Variants in CTNND2 observed in about 807,000 individuals in gnomAD.
CTNND2 encodes the protein catenin delta-2.
In CTNND2, 22 loss-of-function variants were observed where a neutral mutation model predicts 144.4. That is an observed-to-expected ratio of 0.15 (90% CI 0.11 to 0.22). The LOEUF is 0.22. Among genes scored for constraint, CTNND2 ranks in the 10% least tolerant of loss-of-function variants. The pLI is 1.00. For missense variants in CTNND2, 1,353 were observed against 1,618.8 expected (o/e 0.84, Z 2.82); for synonymous variants, 751 against 695.6 (o/e 1.08, Z -1.25).
At chr5:11,708,896 T>C (rs1561716261) in intron 2 of CTNND2, among the ~76,000 whole-genome samples, 1 of 152,300 alleles carries the variant, frequency 6.6e-6, no homozygotes, top group African/African-American at 2.4e-5. Context: ...TTTGTGAATA[T>C]CATATAAGTA....
chr5:11,775,400 T>C (rs1790197101), intron 1 of CTNND2, among the ~76,000 whole-genome samples: 1 of 152,128 alleles, frequency 6.6e-6, no homozygotes, highest in Non-Finnish European at 1.5e-5. Flanking sequence ...GAGATAACAC[T>C]AAGGACACTC....
intron 1 of CTNND2, among the ~76,000 whole-genome samples, chr5:11,768,584 C>T (rs1167044045): frequency 6.6e-6 from 1 of 152,210 alleles, no homozygotes; most frequent in African/African-American, 2.4e-5. Flanking sequence ...TGCCACCACA[C>T]CTGGGTGTTA....
intron 3 of CTNND2, among the ~76,000 whole-genome samples, chr5:11,435,776 C>T (rs1248838555): frequency 6.6e-6 from 1 of 152,188 alleles, no homozygotes; most frequent in African/African-American, 2.4e-5. Context: ...CTCAAGTCTT[C>T]CAATTCAAGG....
chr5:11,314,308 G>A (rs1751288502), intron 9 of CTNND2, among the ~76,000 whole-genome samples: 1 of 152,068 alleles, frequency 6.6e-6, no homozygotes, highest in Non-Finnish European at 1.5e-5. Context: ...CTGGATTCCT[G>A]TCTGCTCCCA....
intron 2 of CTNND2, among the ~76,000 whole-genome samples, chr5:11,670,852 T>C (rs895852561): frequency 1.3e-5 from 2 of 152,218 alleles, no homozygotes; most frequent in African/African-American, 4.8e-5. Context: ...CCTTAGTTGA[T>C]GAAGTTTCTT....
intron 16 of CTNND2, among the ~76,000 whole-genome samples, chr5:11,069,059 G>C (rs552530414): frequency 2.0e-5 from 3 of 152,190 alleles, no homozygotes; most frequent in Non-Finnish European, 4.4e-5. Context: ...CAGTAACTAC[G>C]CAACGTGTAT....
At chr5:11,817,568 G>T (rs1048387893) in intron 1 of CTNND2, among the ~76,000 whole-genome samples, 46 of 152,096 alleles carry the variant, frequency 3.0e-4, no homozygotes, top group Admixed American at 1.3e-3. Flanking sequence ...AGGTAGTGAA[G>T]GGGGGAAGCG....
intron 3 of CTNND2, among the ~76,000 whole-genome samples, chr5:11,536,796 C>A (rs572081468): frequency 6.6e-6 from 1 of 151,872 alleles, no homozygotes; most frequent in Admixed American, 6.6e-5. Flanking sequence ...GGGTTATGGG[C>A]GCACCAAAAT....
At chr5:11,727,370 C>G (rs1297067722) in intron 2 of CTNND2, among the ~76,000 whole-genome samples, 1 of 152,176 alleles carries the variant, frequency 6.6e-6, no homozygotes, top group Middle Eastern at 3.2e-3. Flanking sequence ...CTTGCTCCCC[C>G]TTCCTTGTTA....
At chr5:11,602,870 T>C (rs1779875551) in intron 2 of CTNND2, among the ~76,000 whole-genome samples, 1 of 150,132 alleles carries the variant, frequency 6.7e-6, no homozygotes, top group African/African-American at 2.4e-5. Flanking sequence ...CAAGCTAATA[T>C]TGAAGTATGA....
intron 3 of CTNND2, among the ~76,000 whole-genome samples, chr5:11,480,994 T>C (rs996752085): frequency 2.0e-5 from 3 of 152,086 alleles, no homozygotes; most frequent in Admixed American, 2.0e-4. Flanking sequence ...TGACGATATT[T>C]TGAATTAACT....
Position 11,423,943 on chromosome 5 carries a change from A to G in CTNND2, c.288-11874T>C, listed in dbSNP as rs541852664. On this transcript the variant is annotated intron_variant, in intron 3 of 21. Transcript: ENST00000304623. ...GAAGATTTGTAAAAAATAAGTTTCA[A>G]TCTTAGCGCCTTTATACAGCAGAAA... is the stretch of plus-strand genomic sequence containing the variant. 3.9e-5 allele frequency among the ~76,000 whole-genome samples: 6 copies of G among 152,260 alleles called. No homozygotes were observed. In the East Asian group the frequency reaches 7.7e-4, roughly 20 times the overall value.
chr5:11,139,043 C>T (rs1756439050), intron 12 of CTNND2, among the ~76,000 whole-genome samples: 1 of 152,016 alleles, frequency 6.6e-6, no homozygotes, highest in Non-Finnish European at 1.5e-5. Flanking sequence ...TCAATGCAAC[C>T]TCTGCCTCCG....
At chr5:11,232,364 G>A (rs573439761) in intron 10 of CTNND2, among the ~76,000 whole-genome samples, 1 of 152,358 alleles carries the variant, frequency 6.6e-6, no homozygotes, top group Admixed American at 6.5e-5. Context: ...AAAGCAGCTG[G>A]GAGTGGGGCT....
chr5:11,831,202 A>G (rs1183432584), intron 1 of CTNND2, among the ~76,000 whole-genome samples: 2 of 151,010 alleles, frequency 1.3e-5, no homozygotes, highest in South Asian at 2.1e-4. Flanking sequence ...TTGATATTAT[A>G]TTTTTGTGCC....
intron 1 of CTNND2, among the ~76,000 whole-genome samples, chr5:11,865,791 A>T (rs1396555191): frequency 6.6e-6 from 1 of 151,108 alleles, no homozygotes; most frequent in East Asian, 2.0e-4. Context: ...AGAAGAGGAG[A>T]ACTATAGACG....
chr5:11,802,165 A>G (rs897231104), intron 1 of CTNND2, among the ~76,000 whole-genome samples: 34 of 152,016 alleles, frequency 2.2e-4, no homozygotes, highest in African/African-American at 7.5e-4. Flanking sequence ...CCAGCTACTC[A>G]GGGGGCTGAG....
At chr5:11,414,983 C>T (rs1384696991) in intron 3 of CTNND2, among the ~76,000 whole-genome samples, 2 of 152,186 alleles carry the variant, frequency 1.3e-5, no homozygotes, top group Non-Finnish European at 2.9e-5. Flanking sequence ...ACCACATCTT[C>T]TTTAATCAGC....
At chr5:11,549,364 T>C (rs1775560483) in intron 3 of CTNND2, among the ~76,000 whole-genome samples, 1 of 152,098 alleles carries the variant, frequency 6.6e-6, no homozygotes, top group Non-Finnish European at 1.5e-5. Context: ...GATGGAGGAA[T>C]AAGATTTCAC....
Sources: gnomAD v4.1 joint callset for allele counts (sites outside exome capture counted in the v4.1 genomes callset) on GRCh38, gnomAD v4.1.1 for gene constraint, MANE v1.5 for transcripts, NCBI Gene and HGNC (gene_info 2026-07-23, HGNC 2026-07-21) for gene names.